SSBP3: variants seen among roughly 807,000 people sequenced by gnomAD.
SSBP3 encodes the protein single stranded DNA binding protein 3.
Under a neutral mutation model 69.6 loss-of-function variants are expected in SSBP3, and 5 were observed. The observed-to-expected ratio is 0.07, with a 90% confidence interval of 0.04 to 0.15. The LOEUF (loss-of-function observed/expected upper bound fraction) is 0.15, where lower values mean the gene tolerates loss of function less well. Ranked by LOEUF, SSBP3 falls within the 10% of genes least tolerant of loss-of-function variation. The probability of loss-of-function intolerance (pLI) is 1.00; values close to 1 mark genes in which losing one functional copy is unlikely to be tolerated. For synonymous variants in SSBP3, 196 were observed against 193.4 expected (o/e 1.01, Z -0.11); for missense variants, 312 against 534.0 (o/e 0.58, Z 4.10).
chr1:54,286,326 C>G (rs977392504), intron 4 of SSBP3: 8 of 152,196 alleles, frequency 5.3e-5, no homozygotes, highest in African/African-American at 1.9e-4. Flanking sequence ...ATTTAAAATT[C>G]TTTTCTAAAC....
At chr1:54,253,174 G>GTTT (rs5774180) in intron 7 of SSBP3, among the ~76,000 whole-genome samples, 1 of 135,114 alleles carries the variant, frequency 7.4e-6, no homozygotes. Flanking sequence ...ATTTGTTTTT[G>GTTT]TTTTTTTTTT....
chr1:54,236,343 C>G (rs1644494753), intron 14 of SSBP3: 1 of 152,112 alleles, frequency 6.6e-6, no homozygotes, highest in South Asian at 2.1e-4. Context: ...TCTTTAACTC[C>G]CGACGGACCC....
intron 4 of SSBP3, among the ~76,000 whole-genome samples, chr1:54,336,683 G>T (rs1223959949): frequency 2.0e-5 from 3 of 152,198 alleles, no homozygotes; most frequent in Non-Finnish European, 4.4e-5. Flanking sequence ...GCAAGTCAAG[G>T]GGAACTTGAC....
chr1:54,260,657 C>A (rs111781696), intron 5 of SSBP3, among the ~76,000 whole-genome samples: 1 of 152,188 alleles, frequency 6.6e-6, no homozygotes, highest in Non-Finnish European at 1.5e-5. Flanking sequence ...TTGCTCTTGG[C>A]GCAGCTGCCT....
intron 12 of SSBP3, 134 bp from the exon 13 acceptor site, chr1:54,241,093 A>C: frequency 1.0e-6 from 1 of 957,036 alleles, no homozygotes; most frequent in Non-Finnish European, 1.6e-6. Flanking sequence ...CTACACCCCC[A>C]GCGCTCACTC....
chr1:54,239,490 G>A (rs1175524571), intron 13 of SSBP3, among the ~76,000 whole-genome samples: 6 of 152,140 alleles, frequency 3.9e-5, no homozygotes, highest in African/African-American at 9.7e-5. Context: ...GACACTGCCT[G>A]GGACAACATG....
intron 4 of SSBP3, among the ~76,000 whole-genome samples, chr1:54,352,751 A>G (rs1646800656): frequency 6.6e-6 from 1 of 152,348 alleles, no homozygotes; most frequent in South Asian, 2.1e-4. Flanking sequence ...AAACGTGCAG[A>G]CAACACAAAA....
chr1:54,315,544 G>A (rs1416687103), intron 4 of SSBP3, among the ~76,000 whole-genome samples: 1 of 150,388 alleles, frequency 6.6e-6, no homozygotes, highest in Non-Finnish European at 1.5e-5. Flanking sequence ...TGCAGTTAGA[G>A]TACCCATTTA....
chr1:54,307,484 T>G, intron 4 of SSBP3, among the ~76,000 whole-genome samples: 1 of 152,186 alleles, frequency 6.6e-6, no homozygotes. Flanking sequence ...CTACTAGACT[T>G]GGGCTCCTTG....
At chr1:54,382,489 C>T (rs1425467419) in intron 4 of SSBP3, among the ~76,000 whole-genome samples, 1 of 152,176 alleles carries the variant, frequency 6.6e-6, no homozygotes, top group Non-Finnish European at 1.5e-5. Context: ...ACGGCAGAGG[C>T]ATCAAATATT....
chr1:54,280,749 C>T (rs1228868413), intron 5 of SSBP3, among the ~76,000 whole-genome samples: 1 of 125,734 alleles, frequency 8.0e-6, no homozygotes, highest in Non-Finnish European at 2.0e-5. Flanking sequence ...GTGGCAGCCG[C>T]GCCCAACCTG....
intron 5 of SSBP3, among the ~76,000 whole-genome samples, chr1:54,266,488 T>C (rs1426308745): frequency 6.6e-6 from 1 of 152,200 alleles, no homozygotes; most frequent in Non-Finnish European, 1.5e-5. Context: ...GCCCACAAAG[T>C]CTAAGATTAT....
chr1:54,250,910 A>T (rs1442447386), intron 9 of SSBP3, among the ~76,000 whole-genome samples: 1 of 152,192 alleles, frequency 6.6e-6, no homozygotes, highest in East Asian at 1.9e-4. Context: ...AGAGCTGGCC[A>T]CGAGGGGCAA....
chr1:54,314,250 A>G (rs1007856397), intron 4 of SSBP3, among the ~76,000 whole-genome samples: 2 of 152,226 alleles, frequency 1.3e-5, no homozygotes, highest in Non-Finnish European at 2.9e-5. Context: ...TAGGGGAGGA[A>G]GACCACATAC....
chr1:54,323,905 C>T (rs1646257014), intron 4 of SSBP3, among the ~76,000 whole-genome samples: 1 of 152,150 alleles, frequency 6.6e-6, no homozygotes, highest in East Asian at 1.9e-4. Context: ...CAGAATGCAG[C>T]AGGTATCCTA....
In SSBP3 at chr1:54,289,045, CA is replaced by C. The variant is rs796091545; in HGVS notation, c.277-7519del. ...CAAAAAAAAAAAAAAAACAAAAAAA[CA>C]AAAAAAAAAAACAGTAATGTCCCAC... On this transcript the variant is annotated intron_variant, in intron 4 of 17. Transcript: ENST00000610401. Among the ~76,000 whole-genome samples, 36 of 41,128 alleles carry C rather than the reference CA, an allele frequency of 8.8e-4. 1 individual carries two copies. The highest frequency in any genetic ancestry group is 2.7e-3 in the African/African-American group (21 of 7,658). The allele number at this position is 41,128 out of a possible 152,430, so 27.0% of individuals were successfully genotyped here. A position where few individuals can be genotyped will look rare whatever the true frequency, so the allele number is the denominator to read the frequency against.
chr1:54,304,179 G>T (rs1006405413), intron 4 of SSBP3, among the ~76,000 whole-genome samples: 2 of 152,206 alleles, frequency 1.3e-5, no homozygotes, highest in African/African-American at 4.8e-5. Flanking sequence ...CTTGGGTCGG[G>T]CATGTTGGAA....
chr1:54,304,005 C>T (rs1372775134), intron 4 of SSBP3, among the ~76,000 whole-genome samples: 3 of 152,150 alleles, frequency 2.0e-5, no homozygotes, highest in Non-Finnish European at 4.4e-5. Context: ...GTTTGCAGAA[C>T]GAATGATGGG....
At chr1:54,349,322 A>G (rs542858148) in intron 4 of SSBP3, among the ~76,000 whole-genome samples, 22 of 152,362 alleles carry the variant, frequency 1.4e-4, no homozygotes, top group Non-Finnish European at 1.5e-4. Flanking sequence ...CAGCACCTAC[A>G]GCGGTGCCTG....
Sources: allele counts gnomAD v4.1 joint callset (sites outside exome capture counted in the v4.1 genomes callset), GRCh38; gene constraint gnomAD v4.1.1; transcripts MANE v1.5; gene names NCBI Gene and HGNC (gene_info 2026-07-23, HGNC 2026-07-21).